Variants in LATS2 observed in about 807,000 individuals in gnomAD.
LATS2 encodes the protein large tumor suppressor kinase 2.
LATS2 carries 24 observed loss-of-function variants against 76.0 expected under a neutral mutation model. That is an observed-to-expected ratio of 0.32 (90% CI 0.23 to 0.44). LATS2 has a LOEUF of 0.44. Ranked by LOEUF, LATS2 falls within the 20% of genes least tolerant of loss-of-function variation. The pLI, the probability that LATS2 is intolerant of heterozygous loss-of-function variation, is 1.00. For synonymous variants in LATS2, 692 were observed against 635.4 expected (o/e 1.09, Z -1.34); for missense variants, 1,286 against 1,481.2 (o/e 0.87, Z 2.16).
intron 3 of LATS2, among the ~76,000 whole-genome samples, chr13:20,989,559 A>C (rs754159698): frequency 6.6e-6 from 1 of 152,156 alleles, no homozygotes; most frequent in Non-Finnish European, 1.5e-5. Flanking sequence ...GCAGAAGAGA[A>C]GACTGCGTCC....
chr13:21,030,458 G>A (rs1273535801), intron 2 of LATS2, among the ~76,000 whole-genome samples: 5 of 151,568 alleles, frequency 3.3e-5, no homozygotes, highest in Admixed American at 6.6e-5. Flanking sequence ...CCGTGGTGGC[G>A]GGCGCCTGTA....
chr13:21,031,689 T>C (rs1872533928), intron 2 of LATS2, among the ~76,000 whole-genome samples: 1 of 152,096 alleles, frequency 6.6e-6, no homozygotes, highest in Non-Finnish European at 1.5e-5. Context: ...TGAGACCCTG[T>C]CTCTATAAAA....
chr13:20,983,630 G>A lies in LATS2; in HGVS notation c.2076C>T (p.Ala692=), dbSNP rs534950769. 1.9e-6 allele frequency: 3 copies of A among 1,614,092 alleles called. No homozygotes were observed. The highest frequency in any genetic ancestry group is 2.2e-5 in the South Asian group (2 of 91,082). Residue 692 remains alanine (A), a synonymous_variant, in exon 5 of 8, where the codon GCC becomes GCT. Transcript: ENST00000382592. ...TCCTTAGGGTCTTCATGGCGTACAG[G>A]GCGTGAGTGTCCACCTTACAAGCAA... ...VCLACKVDTH[A]LYAMKTLRKK...
intron 2 of LATS2, among the ~76,000 whole-genome samples, chr13:21,012,092 C>T (rs1871613706): frequency 6.6e-6 from 1 of 152,118 alleles, no homozygotes; most frequent in Non-Finnish European, 1.5e-5. Context: ...TATTCAAACA[C>T]CTGTTGCACA....
At chr13:21,053,171 G>A (rs1241412424) in intron 1 of LATS2, among the ~76,000 whole-genome samples, 1 of 142,942 alleles carries the variant, frequency 7.0e-6, no homozygotes, top group East Asian at 2.0e-4. Flanking sequence ...GGAGGCGGAG[G>A]ATGCAGTGAG....
intron 1 of LATS2, among the ~76,000 whole-genome samples, chr13:21,055,238 A>G (rs73445530): frequency 0.024 from 3,685 of 152,336 alleles, 129 homozygotes; most frequent in African/African-American, 0.084. Flanking sequence ...CATTTTAATG[A>G]GACTTCACAT....
chr13:21,002,354 TTAAC>T lies in LATS2; in HGVS notation c.343-10954_343-10951del, dbSNP rs530907015. On this transcript the variant is annotated intron_variant, in intron 2 of 7. Transcript: ENST00000382592. ...ACAAATATGCCCATCTTTTAAAAAA[TTAAC>T]TAACTAATTAATTAACTTTTTTTTT... 2.1e-3 allele frequency among the ~76,000 whole-genome samples: 315 copies of T among 151,310 alleles called. 1 individual carries two copies. Among genetic ancestry groups the T allele is most frequent in the African/African-American group, 6.5e-3 (266 of 41,008 alleles).
At chr13:21,050,958 G>T (rs1873252896) in intron 1 of LATS2, among the ~76,000 whole-genome samples, 1 of 152,256 alleles carries the variant, frequency 6.6e-6, no homozygotes, top group Non-Finnish European at 1.5e-5. Flanking sequence ...GGCAGGAAAA[G>T]GCTGAGTCAA....
Position 21,045,995 on chromosome 13 carries a change from T to A in LATS2, c.32A>T (p.Tyr11Phe). 1 of 1,613,856 alleles carries A rather than the reference T, an allele frequency of 6.2e-7. No homozygotes were observed. The change falls in exon 2 of 8, where the codon TAT becomes TTT. Residue 11 changes from tyrosine (Y) to phenylalanine (F), a missense_variant. Tyr to Phe is a conservative substitution (Grantham distance 22, BLOSUM62 3). This residue lies in a region of LATS2 where 101 missense variants were observed against 141.4 expected (regional missense o/e 0.71). Transcript: ENST00000382592. Reference protein sequence around the residue: MRPKTFPATTYSGNSRQRLQE... With the variant: MRPKTFPATTFSGNSRQRLQE... Reference sequence around the variant, plus strand: ...CAGTCGCTGCCGGCTATTTCCAGAATAAGTCGTGGCAGGAAAAGTCTTTGG... The same window carrying A: ...CAGTCGCTGCCGGCTATTTCCAGAAAAAGTCGTGGCAGGAAAAGTCTTTGG...
At position 20,988,135 on chromosome 13, in the gene LATS2, T is replaced by G; in HGVS notation, c.1645A>C (p.Asn549His). The G allele has an allele frequency of 6.2e-7, 1 of 1,614,216 alleles. No individual in the cohort carries two copies. Among genetic ancestry groups the G allele is most frequent in the Non-Finnish European group, 8.5e-7 (1 of 1,180,034 alleles). Reference protein sequence around the residue: ...GMEQSLRAGPNEPEGGDKSRK... With the variant: ...GMEQSLRAGPHEPEGGDKSRK... ...CTCTTGTCGCCGCCCTCGGGCTCGT[T>G]GGGGCCCGCACGGAGGCTCTGCTCC... Residue 549 changes from asparagine (N) to histidine (H), a missense_variant, in exon 4 of 8, where the codon AAC (asparagine) becomes CAC (histidine). By Grantham distance (68) the Asn-to-His change is moderately conservative. Around this residue, in one of 5 missense-constraint regions of LATS2, gnomAD observed 710 missense variants for 660.9 expected, o/e 1.07. Coordinates refer to ENST00000382592, the MANE Select transcript of LATS2 (RefSeq NM_014572.3).
At chr13:21,051,387 A>T (rs1251908278) in intron 1 of LATS2, among the ~76,000 whole-genome samples, 1 of 152,234 alleles carries the variant, frequency 6.6e-6, no homozygotes, top group Non-Finnish European at 1.5e-5. Flanking sequence ...TCACAATGAA[A>T]GTTTGCCCAA....
chr13:20,975,511 A>G, intron 7 of LATS2, 147 bp from the exon 8 acceptor site: 3 of 839,944 alleles, frequency 3.6e-6, no homozygotes, highest in Non-Finnish European at 1.8e-6. Flanking sequence ...TGTTGATCTC[A>G]GCAGCCACAA....
In LATS2 at chr13:20,989,139, T is replaced by C. The variant is rs750461080; in HGVS notation, c.641A>G (p.Tyr214Cys). 1.5e-5 allele frequency: 24 copies of C among 1,610,830 alleles called. No homozygotes were observed. The highest frequency in any genetic ancestry group is 2.7e-5 in the African/African-American group (2 of 74,900). Residue 214 changes from tyrosine (Y) to cysteine (C), a missense_variant, in exon 4 of 8, where the codon TAC becomes TGC. Physicochemically the swap from Tyr to Cys is radical, Grantham distance 194 (BLOSUM62 -2). This residue lies in a region of LATS2 where 710 missense variants were observed against 660.9 expected (regional missense o/e 1.07). Coordinates refer to ENST00000382592, the MANE Select transcript of LATS2 (RefSeq NM_014572.3). ...LEEMPRPYVD[Y>C]LFPGVGPHGP... ...GTGGGGGCCGACTCCGGGGAAAAGG[T>C]AGTCCACGTACGGCCGCGGCATCTC...
chr13:20,997,893 A>G (rs1415385204), intron 2 of LATS2, among the ~76,000 whole-genome samples: 1 of 152,170 alleles, frequency 6.6e-6, no homozygotes, highest in Non-Finnish European at 1.5e-5. Flanking sequence ...TCCTATGGAG[A>G]TCCTCCCCCA....
intron 2 of LATS2, among the ~76,000 whole-genome samples, chr13:21,017,168 G>C (rs1871833971): frequency 6.6e-6 from 1 of 152,200 alleles, no homozygotes; most frequent in Admixed American, 6.5e-5. Context: ...AGCCAGCACA[G>C]TGAAATAAAA....
intron 7 of LATS2, among the ~76,000 whole-genome samples, chr13:20,977,622 ATAAATGG>A (rs1869682177): frequency 2.2e-5 from 3 of 135,906 alleles, no homozygotes; most frequent in Non-Finnish European, 3.2e-5. Context: ...TAATTATTAA[ATAAATGG>A]TAATTAAAAT....
chr13:20,985,466 T>C (rs1248223826), intron 4 of LATS2, among the ~76,000 whole-genome samples: 1 of 152,196 alleles, frequency 6.6e-6, no homozygotes, highest in African/African-American at 2.4e-5. Flanking sequence ...AGGCCAGATA[T>C]GGTGGCTCAC....
At chr13:20,996,975 C>T (rs1303808832) in intron 2 of LATS2, among the ~76,000 whole-genome samples, 1 of 152,248 alleles carries the variant, frequency 6.6e-6, no homozygotes, top group South Asian at 2.1e-4. Context: ...CCCGAGGGGC[C>T]TGGCAGCCTC....
chr13:20,997,153 G>A (rs1230993580), intron 2 of LATS2, among the ~76,000 whole-genome samples: 2 of 152,198 alleles, frequency 1.3e-5, no homozygotes, highest in African/African-American at 2.4e-5. Flanking sequence ...ACTGAGAAGG[G>A]CAAGACAAAC....
Sources: allele counts gnomAD v4.1 joint callset (sites outside exome capture counted in the v4.1 genomes callset), GRCh38; gene constraint gnomAD v4.1.1; regional missense constraint gnomAD v4.1.1; transcripts MANE v1.5; gene names NCBI Gene and HGNC (gene_info 2026-07-23, HGNC 2026-07-21).